AKT3: variants seen among roughly 807,000 people sequenced by gnomAD.
AKT3 encodes the protein AKT serine/threonine kinase 3.
In AKT3, 15 loss-of-function variants were observed where a neutral mutation model predicts 65.3. That is an observed-to-expected ratio of 0.23 (90% confidence interval 0.15 to 0.35). AKT3 has a LOEUF of 0.35. AKT3 is among the 10% of genes least tolerant of loss of function. AKT3 has a pLI of 1.00. For synonymous variants in AKT3, 206 were observed against 183.8 expected, an observed-to-expected ratio of 1.12 and a Z score of -0.98; for missense variants, 243 against 576.5, an observed-to-expected ratio of 0.42 and a Z score of 5.92.
chr1:243,730,674 G>C (rs1328139709), intron 2 of AKT3, among the ~76,000 whole-genome samples: 1 of 152,186 alleles, frequency 6.6e-6, no homozygotes, highest in East Asian at 1.9e-4. Flanking sequence ...TGGTGGGACT[G>C]AACAAGCTGA....
intron 6 of AKT3, among the ~76,000 whole-genome samples, chr1:243,634,460 T>C (rs1360561647): frequency 1.3e-5 from 2 of 151,932 alleles, no homozygotes; most frequent in Non-Finnish European, 2.9e-5. Context: ...TTAACAACAA[T>C]AATAAAATAG....
In AKT3 at chr1:243,732,544, T is replaced by C. The variant is rs74412072; in HGVS notation, c.47-36828A>G. On this transcript the variant is annotated intron_variant, in intron 2 of 13. Coordinates refer to ENST00000673466, the MANE Select transcript of AKT3 (RefSeq NM_005465.7). ...TTGTTATATAACACACTGGTTCATT[T>C]AAAAGAACAGGAAAAGAGTTTGTGT... Among the ~76,000 whole-genome samples the C allele has an allele frequency of 2.1e-4, 32 of 152,362 alleles. No individual in the cohort carries two copies. In the East Asian group the frequency reaches 2.3e-3, roughly 11 times the overall value.
At chr1:243,584,628 G>T (rs1431767881) in intron 8 of AKT3, among the ~76,000 whole-genome samples, 1 of 152,070 alleles carries the variant, frequency 6.6e-6, no homozygotes, top group Non-Finnish European at 1.5e-5. Context: ...TGCAAGGGTG[G>T]TTCAACATAT....
At chr1:243,659,679 G>T (rs576780619) in intron 4 of AKT3, among the ~76,000 whole-genome samples, 210 of 151,942 alleles carry the variant, frequency 1.4e-3, no homozygotes, top group Non-Finnish European at 2.6e-3. Context: ...TGATGGGCTC[G>T]CCATTGAGAA....
At chr1:243,691,196 C>T (rs143283843) in intron 3 of AKT3, among the ~76,000 whole-genome samples, 1 of 152,086 alleles carries the variant, frequency 6.6e-6, no homozygotes, top group South Asian at 2.1e-4. Flanking sequence ...ATAAACAAAG[C>T]CTCAGAGTGG....
intron 2 of AKT3, among the ~76,000 whole-genome samples, chr1:243,713,746 TAAAAAAAAAAAA>T (rs572960154): frequency 2.8e-4 from 23 of 82,974 alleles, no homozygotes; most frequent in African/African-American, 6.3e-4. Context: ...TTTGCCTTAA[TAAAAAAAAAAAA>T]AAAAAAAAAA....
intron 2 of AKT3, among the ~76,000 whole-genome samples, chr1:243,825,859 C>T (rs142396876): frequency 8.6e-5 from 13 of 151,926 alleles, no homozygotes; most frequent in Admixed American, 2.6e-4. Flanking sequence ...TAGCCAGGTG[C>T]GGTGGCTCAC....
Position 243,821,356 on chromosome 1 carries a change from T to C in AKT3, c.46+21769A>G, listed in dbSNP as rs1052257874. ...ACTGAAATACAAAGACCAATGACAC[T>C]ATGAAGCAGCTACATCAACACGTCT... On this transcript the variant is annotated intron_variant, in intron 2 of 13. Coordinates refer to ENST00000673466, the MANE Select transcript of AKT3 (RefSeq NM_005465.7). Among the ~76,000 whole-genome samples the C allele has an allele frequency of 2.6e-5, 4 of 152,108 alleles. 1 individual carries two copies. Among genetic ancestry groups the C allele is most frequent in the African/African-American group, 9.7e-5 (4 of 41,416 alleles).
chr1:243,814,704 TCA>T (rs887943050), intron 2 of AKT3: 1 of 152,218 alleles, frequency 6.6e-6, no homozygotes, highest in Non-Finnish European at 1.5e-5. Context: ...AACTTAACTG[TCA>T]CTCCATTAGC....
At chr1:243,816,796 G>T (rs2148412502) in intron 2 of AKT3, among the ~76,000 whole-genome samples, 1 of 152,280 alleles carries the variant, frequency 6.6e-6, no homozygotes, top group African/African-American at 2.4e-5. Context: ...AGAAAGGGCA[G>T]ATAAGGAGGA....
Position 243,500,894 on chromosome 1 carries a change from G to GACAT in AKT3, c.*4351_*4354dup, listed in dbSNP as rs1191601036. On this transcript the variant is annotated 3_prime_UTR_variant, in exon 14 of 14. Transcript: ENST00000673466. ...GTTTTTTATTTCATCAAATGTGCTA[G>GACAT]ACATAAAGGCTGTCACATAAGATAT... The GACAT allele has an allele frequency of 1.8e-5, 4 of 228,288 alleles. No homozygotes were observed. Among genetic ancestry groups the GACAT allele is most frequent in the Non-Finnish European group, 3.5e-5 (4 of 115,092 alleles). 14.1% of individuals were successfully genotyped at this position (228,288 alleles called of 1,614,324 possible). A position where few individuals can be genotyped will look rare whatever the true frequency, so the allele number is the denominator to read the frequency against.
intron 2 of AKT3, among the ~76,000 whole-genome samples, chr1:243,824,562 C>CA (rs1297865961): frequency 2.0e-5 from 3 of 150,558 alleles, no homozygotes; most frequent in Admixed American, 6.6e-5. Flanking sequence ...ATTTTCAAGA[C>CA]AAAAAAAACT....
chr1:243,621,923 T>C (rs979289558), intron 6 of AKT3, among the ~76,000 whole-genome samples: 2 of 152,186 alleles, frequency 1.3e-5, no homozygotes, highest in African/African-American at 4.8e-5. Flanking sequence ...ACTACCCTAG[T>C]ACAAGCCACT....
chr1:243,536,575 CT>C (rs978842879), intron 12 of AKT3, among the ~76,000 whole-genome samples: 1 of 152,094 alleles, frequency 6.6e-6, no homozygotes, highest in Non-Finnish European at 1.5e-5. Context: ...GATGATTAAG[CT>C]TTTCCTCATT....
intron 2 of AKT3, among the ~76,000 whole-genome samples, chr1:243,747,731 A>C (rs556278575): frequency 1.3e-5 from 2 of 152,354 alleles, no homozygotes; most frequent in Non-Finnish European, 2.9e-5. Context: ...AGAAAACCAC[A>C]TTAAACTTAT....
intron 2 of AKT3, among the ~76,000 whole-genome samples, chr1:243,755,266 G>T (rs1346175253): frequency 1.3e-5 from 2 of 150,434 alleles, no homozygotes; most frequent in African/African-American, 4.9e-5. Context: ...GTAGAGACAG[G>T]GTTTAGCCAT....
intron 2 of AKT3, among the ~76,000 whole-genome samples, chr1:243,738,987 A>G (rs1207088092): frequency 6.6e-6 from 1 of 152,062 alleles, no homozygotes; most frequent in Non-Finnish European, 1.5e-5. Flanking sequence ...CGAATTCACC[A>G]TCTCTCATTT....
intron 2 of AKT3, among the ~76,000 whole-genome samples, chr1:243,806,015 GCA>G (rs965086681): frequency 3.3e-5 from 5 of 152,034 alleles, no homozygotes; most frequent in East Asian, 1.9e-4. Context: ...ACCATGGCAT[GCA>G]CACACACACT....
At position 243,767,177 on chromosome 1, in the gene AKT3, A is replaced by C. The variant is rs117131252; in HGVS notation, c.47-71461T>G. On this transcript the variant is annotated intron_variant, in intron 2 of 13. Transcript: ENST00000673466. ...GTCACATTATGTAGGTATCAAAAGA[A>C]AGTATGTCAGTAAAAGAGCACAGTC... Among the ~76,000 whole-genome samples, 147 of 152,274 alleles carry C rather than the reference A, an allele frequency of 9.7e-4. 3 individuals are homozygous for C. The East Asian group carries it at 0.014, about 14-fold the overall frequency.
Sources: allele counts gnomAD v4.1 joint callset (sites outside exome capture counted in the v4.1 genomes callset), GRCh38; gene constraint gnomAD v4.1.1; transcripts MANE v1.5; gene names NCBI Gene and HGNC (gene_info 2026-07-23, HGNC 2026-07-21).